EPB41L3: variants seen among roughly 807,000 people sequenced by gnomAD.
EPB41L3 encodes erythrocyte membrane protein band 4.1 like 3.
EPB41L3 carries 57 observed loss-of-function variants against 127.1 expected under a neutral mutation model. The observed-to-expected ratio is 0.45, with a 90% CI of 0.36 to 0.56. The LOEUF is 0.56. Among genes scored for constraint, EPB41L3 ranks in the 20% least tolerant of loss-of-function variants. The probability of loss-of-function intolerance (pLI) is 0.00; values close to 1 mark genes in which losing one functional copy is unlikely to be tolerated. For synonymous variants in EPB41L3, 572 were observed against 549.5 expected (o/e 1.04, Z -0.57); for missense variants, 1,273 against 1,372.2 (o/e 0.93, Z 1.14).
chr18:5,541,918 G>A (rs1215836044), intron 1 of EPB41L3, among the ~76,000 whole-genome samples: 1 of 152,198 alleles, frequency 6.6e-6, no homozygotes, highest in African/African-American at 2.4e-5. Context: ...TGGCTAAAGT[G>A]TATTAACTAA....
intron 3 of EPB41L3, among the ~76,000 whole-genome samples, chr18:5,611,469 G>A (rs2094724447): frequency 6.6e-6 from 1 of 152,180 alleles, no homozygotes; most frequent in Non-Finnish European, 1.5e-5. Flanking sequence ...CTGTGGGAAA[G>A]GAAAATGGAG....
At chr18:5,544,299 G>C, upstream of EPB41L3, 1 of 985,436 alleles carries the variant, frequency 1.0e-6, no homozygotes, top group African/African-American at 1.7e-5. Flanking sequence ...CTTAGATGAT[G>C]GCCTGGCCTC....
chr18:5,622,796 A>G (rs574413532), intron 1 of EPB41L3, among the ~76,000 whole-genome samples: 20 of 152,240 alleles, frequency 1.3e-4, no homozygotes, highest in African/African-American at 4.8e-4. Context: ...TGCTGTGACT[A>G]TTAGGGGGAA....
upstream of EPB41L3, among the ~76,000 whole-genome samples, chr18:5,546,751 A>G (rs1051686704): frequency 6.6e-6 from 1 of 152,146 alleles, no homozygotes; most frequent in Non-Finnish European, 1.5e-5. Flanking sequence ...AGGGGTGCAT[A>G]GCTGCATAGC....
chr18:5,561,169 G>A (rs1315866772), intron 3 of EPB41L3, among the ~76,000 whole-genome samples: 1 of 151,700 alleles, frequency 6.6e-6, no homozygotes, highest in Non-Finnish European at 1.5e-5. Flanking sequence ...AGTAGAGACG[G>A]GGTTTCACCG....
intron 3 of EPB41L3, among the ~76,000 whole-genome samples, chr18:5,447,851 ATCTTT>A (rs2146448787): frequency 6.6e-6 from 1 of 152,278 alleles, no homozygotes; most frequent in South Asian, 2.1e-4. Context: ...AATAGACCAG[ATCTTT>A]TCTTACTGAA....
intron 3 of EPB41L3, among the ~76,000 whole-genome samples, chr18:5,573,616 C>T (rs1034515831): frequency 6.6e-6 from 1 of 152,128 alleles, no homozygotes; most frequent in African/African-American, 2.4e-5. Context: ...CATCAGTTCA[C>T]TGGGTTGGTT....
chr18:5,425,117 C>T (rs2077988620), intron 9 of EPB41L3, among the ~76,000 whole-genome samples: 1 of 152,134 alleles, frequency 6.6e-6, no homozygotes, highest in South Asian at 2.1e-4. Flanking sequence ...CACCAGAGGG[C>T]AATCATCTTA....
chr18:5,531,686 G>A (rs1427535993), intron 1 of EPB41L3, among the ~76,000 whole-genome samples: 1 of 138,026 alleles, frequency 7.2e-6, no homozygotes, highest in African/African-American at 2.8e-5. Context: ...CCAAGATCAT[G>A]CCGCCACTGC....
intron 3 of EPB41L3, among the ~76,000 whole-genome samples, chr18:5,557,122 G>C (rs889072349): frequency 1.4e-4 from 22 of 152,132 alleles, no homozygotes; most frequent in Non-Finnish European, 2.8e-4. Context: ...TGAGCTTATA[G>C]ATCCATTTCC....
intron 3 of EPB41L3, among the ~76,000 whole-genome samples, chr18:5,589,204 TTA>T (rs1346517957): frequency 6.6e-6 from 1 of 152,152 alleles, no homozygotes; most frequent in Non-Finnish European, 1.5e-5. Context: ...CAGTGTATTC[TTA>T]TAAATGCTAA....
At chr18:5,586,557 A>C (rs1333808140) in intron 3 of EPB41L3, among the ~76,000 whole-genome samples, 2 of 143,334 alleles carry the variant, frequency 1.4e-5, no homozygotes. Flanking sequence ...GCACCACCAT[A>C]CATGACTATT....
chr18:5,534,081 T>G (rs1417930134), intron 1 of EPB41L3, among the ~76,000 whole-genome samples: 2 of 152,104 alleles, frequency 1.3e-5, no homozygotes, highest in African/African-American at 4.8e-5. Context: ...GAGAATGGCA[T>G]GAACCTGGGA....
chr18:5,482,937 G>C (rs2088879148), intron 2 of EPB41L3, among the ~76,000 whole-genome samples: 1 of 152,078 alleles, frequency 6.6e-6, no homozygotes, highest in Non-Finnish European at 1.5e-5. Context: ...AAACCTAGTG[G>C]TAAAATCAAG....
chr18:5,425,933 A>C (rs1459502490), intron 9 of EPB41L3, among the ~76,000 whole-genome samples: 1 of 152,126 alleles, frequency 6.6e-6, no homozygotes, highest in Non-Finnish European at 1.5e-5. Context: ...CCTGACTGTT[A>C]AGTTCAACAC....
At chr18:5,497,195 T>G (rs2091265535) in intron 1 of EPB41L3, among the ~76,000 whole-genome samples, 1 of 152,060 alleles carries the variant, frequency 6.6e-6, no homozygotes, top group Non-Finnish European at 1.5e-5. Context: ...AAGGTAGATA[T>G]GAGGAGGGGT....
chr18:5,495,323 G>A (rs796365682), intron 1 of EPB41L3, among the ~76,000 whole-genome samples: 9 of 151,272 alleles, frequency 5.9e-5, no homozygotes, highest in African/African-American at 2.2e-4. Context: ...ATCTGCAAAG[G>A]GTTACCAAGA....
intron 13 of EPB41L3, among the ~76,000 whole-genome samples, chr18:5,411,108 A>T (rs74527371): frequency 2.0e-5 from 3 of 152,380 alleles, no homozygotes; most frequent in East Asian, 3.9e-4. Flanking sequence ...CATTTATACC[A>T]TTATGATAAT....
intron 3 of EPB41L3, among the ~76,000 whole-genome samples, chr18:5,473,574 AC>A (rs2147713006): frequency 6.6e-6 from 1 of 152,014 alleles, no homozygotes; most frequent in Admixed American, 6.5e-5. Context: ...CTACGAATAC[AC>A]TGTACACTAA....
Sources: allele counts gnomAD v4.1 joint callset (sites outside exome capture counted in the v4.1 genomes callset), GRCh38; gene constraint gnomAD v4.1.1; transcripts MANE v1.5; gene names NCBI Gene and HGNC (gene_info 2026-07-23, HGNC 2026-07-21).